Variants in HADH observed in about 807,000 individuals in gnomAD.
The protein encoded by HADH is hydroxyacyl-coenzyme A dehydrogenase, mitochondrial.
HADH carries 24 observed loss-of-function variants against 32.2 expected under a neutral mutation model. The observed-to-expected ratio is 0.75, with a 90% confidence interval of 0.54 to 1.05. The LOEUF (loss-of-function observed/expected upper bound fraction) is 1.05. Among genes scored for constraint, HADH ranks in the 50% least tolerant of loss-of-function variants. The pLI is 0.00. For synonymous variants in HADH, 139 were observed against 152.5 expected, an observed-to-expected ratio of 0.91 and a Z score of 0.65; for missense variants, 350 against 397.1, an observed-to-expected ratio of 0.88 and a Z score of 1.01.
rs221347 is a variant in HADH at position 108,034,466 on chromosome 4, T to A, written c.*109T>A. ...TCAGACATTCCCTCACACAGTACAG[T>A]TTAATAAATGTGCATTTTGATTGTA... On this transcript the variant is annotated 3_prime_UTR_variant, in exon 8 of 8. Transcript: ENST00000309522. 0.091 allele frequency: 70,217 copies of A among 771,660 alleles called. 4,272 individuals are homozygous for A. Among genetic ancestry groups the A allele is most frequent in the Admixed American group, 0.23 (13,459 of 58,216 alleles). 47.8% of individuals were successfully genotyped at this position (771,660 alleles called of 1,614,324 possible). A position where few individuals can be genotyped will look rare whatever the true frequency, so the allele number is the denominator to read the frequency against.
chr4:108,014,218 G>A (rs1438977954), intron 2 of HADH, among the ~76,000 whole-genome samples: 1 of 152,204 alleles, frequency 6.6e-6, no homozygotes, highest in Non-Finnish European at 1.5e-5. Context: ...GCTTTTATTA[G>A]AGAGGAATAG....
At chr4:108,010,209 T>A (rs1465604130) in intron 2 of HADH, among the ~76,000 whole-genome samples, 1 of 152,112 alleles carries the variant, frequency 6.6e-6, no homozygotes, top group Non-Finnish European at 1.5e-5. Flanking sequence ...CTTGTTTTGC[T>A]AAAAGGATGG....
At chr4:108,012,993 C>T (rs1020900336) in intron 2 of HADH, among the ~76,000 whole-genome samples, 3 of 152,184 alleles carry the variant, frequency 2.0e-5, no homozygotes, top group African/African-American at 4.8e-5. Flanking sequence ...AGTGCAGTTG[C>T]GCGATGTCGG....
At chr4:107,991,438 A>AT (rs1225619920) in intron 1 of HADH, among the ~76,000 whole-genome samples, 1 of 151,776 alleles carries the variant, frequency 6.6e-6, no homozygotes, top group Non-Finnish European at 1.5e-5. Context: ...ATATATCTCA[A>AT]TTTTCTTCTC....
At chr4:107,990,192 G>A (rs1734737072) in intron 1 of HADH, 128 bp downstream of exon 1, 4 of 953,722 alleles carry the variant, frequency 4.2e-6, no homozygotes, top group Non-Finnish European at 6.1e-6. Context: ...CGCGCCTCCC[G>A]GGTGTAGTTG....
chr4:108,011,821 GTTTGT>G (rs1291507793), intron 2 of HADH, among the ~76,000 whole-genome samples: 1 of 152,042 alleles, frequency 6.6e-6, no homozygotes. Context: ...TATTTTCCAT[GTTTGT>G]TTTGTTTTGT....
chr4:108,021,952 CTTCTT>C (rs1735897871), intron 4 of HADH, among the ~76,000 whole-genome samples: 1 of 152,110 alleles, frequency 6.6e-6, no homozygotes, highest in African/African-American at 2.4e-5. Context: ...AGTGAGAACT[CTTCTT>C]TGTTTATATA....
rs550348868 is a variant in HADH, at chr4:108,014,612, CTT to C, written c.419+38_419+39del. On this transcript the variant is annotated intron_variant, in intron 3 of 7. Coordinates refer to ENST00000309522, the MANE Select transcript of HADH (RefSeq NM_005327.7). ...GAGTATGTAACCTCTGGACAATCTT[CTT>C]TTTTTTTTTTTTTAACCTTATTTTT... 2,741 of 1,238,718 alleles carry C rather than the reference CTT, an allele frequency of 2.2e-3. 6 individuals are homozygous for C. The highest frequency in any genetic ancestry group is 2.6e-3 in the Non-Finnish European group (2,289 of 886,116). 76.7% of individuals were successfully genotyped at this position (1,238,718 alleles called of 1,614,324 possible).
intron 1 of HADH, among the ~76,000 whole-genome samples, chr4:108,003,760 C>T (rs1486170982): frequency 6.6e-6 from 1 of 150,624 alleles, no homozygotes; most frequent in Non-Finnish European, 1.5e-5. Context: ...TGCCTGGATC[C>T]AACAATAGGC....
chr4:108,005,743 G>A (rs1359008641), intron 1 of HADH, among the ~76,000 whole-genome samples: 1 of 152,240 alleles, frequency 6.6e-6, no homozygotes, highest in East Asian at 1.9e-4. Context: ...TAGGCCTGGT[G>A]TCTGGCATTT....
At chr4:108,022,158 CAT>C (rs571452945) in intron 4 of HADH, among the ~76,000 whole-genome samples, 104,516 of 139,504 alleles carry the variant, frequency 0.75, 40,689 homozygotes, top group East Asian at 0.93. Context: ...TTACATTTTA[CAT>C]ATATATATGT....
chr4:108,008,444 C>T (rs754552900), intron 1 of HADH, among the ~76,000 whole-genome samples: 1 of 152,176 alleles, frequency 6.6e-6, no homozygotes, highest in African/African-American at 2.4e-5. Flanking sequence ...CACTTAAAAC[C>T]TGTCTTACCA....
At chr4:108,014,727 G>T in intron 3 of HADH, 139 bp downstream of exon 3, 2 of 760,436 alleles carry the variant, frequency 2.6e-6, no homozygotes, top group Admixed American at 2.4e-5. Flanking sequence ...GGTGAAGTCT[G>T]GGCTTTTAGT....
At chr4:108,022,359 G>C (rs981394019) in intron 4 of HADH, among the ~76,000 whole-genome samples, 2 of 152,102 alleles carry the variant, frequency 1.3e-5, no homozygotes, top group Non-Finnish European at 2.9e-5. Context: ...ACTGTGCCGG[G>C]CATCGTGCTT....
At chr4:108,014,331 C>G in intron 2 of HADH, 100 bp from the exon 3 acceptor site, 4 of 1,313,856 alleles carry the variant, frequency 3.0e-6, no homozygotes, top group Non-Finnish European at 4.4e-6. Flanking sequence ...AATACAGGTG[C>G]TCTGAACACC....
intron 3 of HADH, among the ~76,000 whole-genome samples, chr4:108,017,232 G>A (rs1735721573): frequency 6.6e-6 from 1 of 152,196 alleles, no homozygotes; most frequent in Admixed American, 6.5e-5. Flanking sequence ...TGAAACAGTT[G>A]CATCCTGGAG....
chr4:108,027,826 A>C, intron 6 of HADH, 66 bp downstream of exon 6: 61 of 944,698 alleles, frequency 6.5e-5, no homozygotes, highest in Non-Finnish European at 1.0e-4. Context: ...TGGAATTCTC[A>C]GTGTCTCTAG....
chr4:108,017,372 C>A (rs1455810569), intron 3 of HADH, among the ~76,000 whole-genome samples: 1 of 152,092 alleles, frequency 6.6e-6, no homozygotes, highest in African/African-American at 2.4e-5. Flanking sequence ...CTTTGCCATC[C>A]CCACCAACCC....
chr4:107,997,327 G>T (rs901247334), intron 1 of HADH, among the ~76,000 whole-genome samples: 1 of 152,190 alleles, frequency 6.6e-6, no homozygotes, highest in African/African-American at 2.4e-5. Context: ...ACATCCAGTG[G>T]AACTGTTGAG....
Sources: allele counts gnomAD v4.1 joint callset (sites outside exome capture counted in the v4.1 genomes callset), GRCh38; gene constraint gnomAD v4.1.1; transcripts MANE v1.5; gene names NCBI Gene and HGNC (gene_info 2026-07-23, HGNC 2026-07-21).